The following SEMA5B variants were observed in gnomAD, a reference collection of about 807,000 sequenced individuals.
SEMA5B encodes semaphorin-5B.
Under a neutral mutation model 135.0 loss-of-function variants are expected in SEMA5B, and 66 were observed. The observed-to-expected ratio is 0.49, with a 90% confidence interval of 0.40 to 0.60. SEMA5B has a LOEUF of 0.60. SEMA5B is among the 20% of genes least tolerant of loss of function. SEMA5B has a pLI of 0.00. For synonymous variants in SEMA5B, 690 were observed against 639.5 expected (o/e 1.08, Z -1.19); for missense variants, 1,501 against 1,566.3 (o/e 0.96, Z 0.70).
intron 2 of SEMA5B, among the ~76,000 whole-genome samples, chr3:122,955,769 G>A (rs1297464491): frequency 1.3e-5 from 2 of 152,200 alleles, no homozygotes; most frequent in African/African-American, 4.8e-5. Flanking sequence ...GTCTGGTACC[G>A]AGTAGGCTCT....
At chr3:122,925,207 T>C (rs1027623426) in intron 9 of SEMA5B, among the ~76,000 whole-genome samples, 2 of 152,016 alleles carry the variant, frequency 1.3e-5, no homozygotes, top group African/African-American at 4.8e-5. Flanking sequence ...CTGGTGTTCC[T>C]ACAAAGCACA....
At chr3:123,024,495 C>T (rs1285396910) in intron 1 of SEMA5B, among the ~76,000 whole-genome samples, 1 of 152,130 alleles carries the variant, frequency 6.6e-6, no homozygotes. Context: ...CACTGGATTC[C>T]CAGTGGGAAT....
At position 122,913,617 on chromosome 3, in the gene SEMA5B, T is replaced by G. The variant is rs1937894248; in HGVS notation, c.2197A>C (p.Lys733Gln). Residue 733 changes from lysine (K) to glutamine (Q), a missense_variant, in exon 16 of 23, where the codon AAG (lysine) becomes CAG (glutamine). Transcript: ENST00000357599. Reference sequence around the variant, plus strand: ...CCCCCTCCACAGTTGCTGCTGCACTTGCTCCAGGAGCCCCAGGAAGCCCAG... The same window carrying G: ...CCCCCTCCACAGTTGCTGCTGCACTGGCTCCAGGAGCCCCAGGAAGCCCAG... ...IFWASWGSWS[K>Q]CSSNCGGGMQ... 6.2e-7 allele frequency: 1 copy of G among 1,613,350 alleles called. No homozygotes were observed. The highest frequency in any genetic ancestry group is 1.7e-5 in the Admixed American group (1 of 60,002).
intron 2 of SEMA5B, among the ~76,000 whole-genome samples, chr3:122,951,248 G>A (rs1168195872): frequency 6.6e-6 from 1 of 152,146 alleles, no homozygotes. Context: ...GTGAAAATAA[G>A]ACAGTAAAAA....
intron 1 of SEMA5B, among the ~76,000 whole-genome samples, chr3:122,997,535 C>T (rs1298660383): frequency 1.3e-5 from 2 of 150,548 alleles, no homozygotes; most frequent in Non-Finnish European, 3.0e-5. Flanking sequence ...CCCGTCTCCA[C>T]CAGGGCATGT....
chr3:122,924,973 C>A (rs1027565001), intron 9 of SEMA5B, among the ~76,000 whole-genome samples: 2 of 152,144 alleles, frequency 1.3e-5, no homozygotes, highest in Admixed American at 6.5e-5. Context: ...TTTGTGACGC[C>A]GCACCCCTAC....
intron 1 of SEMA5B, among the ~76,000 whole-genome samples, chr3:122,983,601 C>T (rs1018844090): frequency 5.9e-5 from 9 of 151,536 alleles, no homozygotes; most frequent in African/African-American, 1.9e-4. Flanking sequence ...GCCTGTAGTC[C>T]CAGCTACTCG....
At chr3:122,968,562 C>A (rs979105440) in intron 1 of SEMA5B, among the ~76,000 whole-genome samples, 1 of 152,112 alleles carries the variant, frequency 6.6e-6, no homozygotes, top group Non-Finnish European at 1.5e-5. Flanking sequence ...CCAACGCCCG[C>A]CCCAACACTA....
At chr3:122,999,578 G>A (rs1231672943) in intron 1 of SEMA5B, among the ~76,000 whole-genome samples, 2 of 151,752 alleles carry the variant, frequency 1.3e-5, no homozygotes, top group Non-Finnish European at 2.9e-5. Context: ...ATCTGTACCT[G>A]AGGCAAATGG....
chr3:123,009,318 A>T (rs1942384525), intron 1 of SEMA5B, among the ~76,000 whole-genome samples: 1 of 152,024 alleles, frequency 6.6e-6, no homozygotes, highest in Non-Finnish European at 1.5e-5. Context: ...GGGTGTCTTT[A>T]GGCGAGGGGA....
At position 122,912,979 on chromosome 3, in the gene SEMA5B, C is replaced by T. The variant is rs375840131; in HGVS notation, c.2589G>A (p.Ser863=). The change falls in exon 18 of 23, where the codon TCG becomes TCA. Residue 863 remains serine (S), a synonymous_variant. Coordinates refer to ENST00000357599, the MANE Select transcript of SEMA5B (RefSeq NM_001031702.4). ...SGGWAAWGPW[S]SCSRDCELGF... ...CCAGCTCGCAGTCCCGGGAGCAGGA[C>T]GACCACGGGCCCCAGGCGGCCCAGC... The T allele has an allele frequency of 5.0e-6, 8 of 1,610,690 alleles. No homozygotes were observed. Among genetic ancestry groups the T allele is most frequent in the Non-Finnish European group, 6.8e-6 (8 of 1,178,676 alleles).
rs1406195845 is a variant in SEMA5B at position 122,911,550 on chromosome 3, G to A, written c.3047-15C>T. 11 of 1,607,720 alleles carry A rather than the reference G, an allele frequency of 6.8e-6. No individual in the cohort carries two copies. In the South Asian group the frequency reaches 1.0e-4, roughly 15 times the overall value. On this transcript the variant is annotated splice_polypyrimidine_tract_variant and intron_variant, in intron 20 of 22. Coordinates refer to ENST00000357599, the MANE Select transcript of SEMA5B (RefSeq NM_001031702.4). ...TGGCAGGATGACTGCAGGAAGACCA[G>A]TGGACAGGGTGTCAGGGGCGGAGAC...
intron 1 of SEMA5B, among the ~76,000 whole-genome samples, chr3:123,008,776 G>A (rs1236738358): frequency 6.6e-6 from 1 of 152,164 alleles, no homozygotes; most frequent in African/African-American, 2.4e-5. Context: ...TGAAGACAGG[G>A]GGAGAGAGGC....
intron 1 of SEMA5B, among the ~76,000 whole-genome samples, chr3:122,963,148 C>T (rs188836133): frequency 2.0e-5 from 3 of 152,206 alleles, no homozygotes; most frequent in Non-Finnish European, 4.4e-5. Context: ...TTCTGGGATG[C>T]TAATGAAACT....
chr3:122,963,307 A>T lies in SEMA5B; in HGVS notation c.-38-2006T>A, dbSNP rs139674366. Among the ~76,000 whole-genome samples the T allele has an allele frequency of 2.7e-4, 41 of 151,820 alleles. 1 individual carries two copies. The East Asian group carries it at 8.0e-3, about 29-fold the overall frequency. The stretch of plus-strand genomic sequence containing the variant: ...AGATCAGGAGTTCGAGACCAGCCTG[A>T]CTAACATGGTGAAACCCCATCTCTA... On this transcript the variant is annotated intron_variant, in intron 1 of 22. Transcript: ENST00000357599.
intron 5 of SEMA5B, among the ~76,000 whole-genome samples, chr3:122,932,662 C>T (rs1180075827): frequency 2.0e-5 from 3 of 152,112 alleles, no homozygotes; most frequent in Non-Finnish European, 4.4e-5. Flanking sequence ...GTACCCCTAG[C>T]CTGTAAGCAG....
At chr3:122,925,143 G>A (rs1319508448) in intron 9 of SEMA5B, among the ~76,000 whole-genome samples, 2 of 151,930 alleles carry the variant, frequency 1.3e-5, no homozygotes, top group South Asian at 2.1e-4. Flanking sequence ...CTCATCCAGT[G>A]CCTGCTATCT....
At chr3:122,950,268 G>A (rs1274801297) in intron 2 of SEMA5B, among the ~76,000 whole-genome samples, 1 of 152,232 alleles carries the variant, frequency 6.6e-6, no homozygotes, top group Admixed American at 6.5e-5. Flanking sequence ...CAAGTTACTT[G>A]CTGCAGTCTT....
chr3:122,911,581 GA>G (rs1560275442), intron 20 of SEMA5B, 46 bp from the exon 21 acceptor site: 2 of 1,582,124 alleles, frequency 1.3e-6, no homozygotes, highest in African/African-American at 1.3e-5. Flanking sequence ...GAGACGAGAG[GA>G]GGGGGGCCCT....
Sources: gnomAD v4.1 joint callset for allele counts (sites outside exome capture counted in the v4.1 genomes callset) on GRCh38, gnomAD v4.1.1 for gene constraint, MANE v1.5 for transcripts, NCBI Gene and HGNC (gene_info 2026-07-23, HGNC 2026-07-21) for gene names.